Variants in RBL1 observed in about 807,000 individuals in gnomAD.
The protein encoded by RBL1 is RB transcriptional corepressor like 1, also known as retinoblastoma-like protein 1.
RBL1 carries 82 observed loss-of-function variants against 123.0 expected under a neutral mutation model. The observed-to-expected ratio is 0.67, with a 90% CI of 0.56 to 0.80. RBL1 has a LOEUF of 0.80. RBL1 is among the 30% of genes least tolerant of loss of function. The pLI is 0.00. For missense variants in RBL1, 1,171 were observed against 1,299.6 expected (o/e 0.90, Z 1.52); for synonymous variants, 405 against 441.3 (o/e 0.92, Z 1.03).
chr20:37,073,880 G>C (rs934598691), intron 2 of RBL1, among the ~76,000 whole-genome samples: 1 of 151,710 alleles, frequency 6.6e-6, no homozygotes, highest in Admixed American at 6.6e-5. Flanking sequence ...GCCGAAGCGG[G>C]TGGATCACAA....
Position 37,017,576 on chromosome 20 carries a change from G to A in RBL1, c.2722+703C>T, listed in dbSNP as rs148704318. ...AGAGGGTGCAGTCTTGCCTGTGGTAGCAGAATTACCTATAAGTAATACTTA... is the reference window on the plus strand; with the variant it reads ...AGAGGGTGCAGTCTTGCCTGTGGTAACAGAATTACCTATAAGTAATACTTA... On this transcript the variant is annotated intron_variant, in intron 19 of 21. Coordinates refer to ENST00000373664, the MANE Select transcript of RBL1 (RefSeq NM_002895.5). Among the ~76,000 whole-genome samples the A allele has an allele frequency of 4.6e-3, 696 of 151,312 alleles. 12 individuals carry two copies. The highest frequency in any genetic ancestry group is 0.032 in the East Asian group (166 of 5,170).
chr20:37,041,361 G>T (rs1021312065), intron 13 of RBL1, among the ~76,000 whole-genome samples: 1 of 151,790 alleles, frequency 6.6e-6, no homozygotes, highest in Non-Finnish European at 1.5e-5. Flanking sequence ...TCGCTCTGTT[G>T]TCCAGGCTGG....
chr20:37,045,903 G>A (rs2064811285), intron 12 of RBL1, among the ~76,000 whole-genome samples: 1 of 152,124 alleles, frequency 6.6e-6, no homozygotes, highest in African/African-American at 2.4e-5. Context: ...AAAGTACCTA[G>A]ATGACTAAAT....
At chr20:37,039,515 T>A (rs976221789) in intron 14 of RBL1, among the ~76,000 whole-genome samples, 2 of 152,100 alleles carry the variant, frequency 1.3e-5, no homozygotes, top group African/African-American at 4.8e-5. Flanking sequence ...ATCTGATGGT[T>A]TTATCAAGAG....
intron 2 of RBL1, among the ~76,000 whole-genome samples, chr20:37,079,394 T>C (rs535666405): frequency 1.3e-5 from 2 of 151,976 alleles, no homozygotes; most frequent in Non-Finnish European, 2.9e-5. Context: ...CTGATTTATC[T>C]GGGATATAGA....
chr20:37,095,649 C>G, intron 1 of RBL1, 124 bp downstream of exon 1: 1 of 853,374 alleles, frequency 1.2e-6, no homozygotes, highest in South Asian at 3.2e-5. Flanking sequence ...CCCCTCGGCG[C>G]TTGGCTGCGC....
intron 2 of RBL1, among the ~76,000 whole-genome samples, chr20:37,080,208 G>C (rs749927402): frequency 1.3e-5 from 2 of 152,012 alleles, no homozygotes; most frequent in Non-Finnish European, 2.9e-5. Context: ...GCCTAGGCTG[G>C]AGTGCAGTGG....
rs1028855991 is a variant in RBL1, at chr20:37,044,124, G to A, written c.1732C>T (p.Leu578Phe). ...GGAACTTTGTTTGCAGAAACCTGGA[G>A]AGCCTCCCACAGTGCAGAATCGTGA... ...WSHDSALWEA[L>F]QVSANKVPTC... The change falls in exon 13 of 22, where the codon CTC becomes TTC. Residue 578 changes from leucine to phenylalanine, a missense_variant. Physicochemically the swap from Leu to Phe is conservative, Grantham distance 22. Coordinates refer to ENST00000373664, the MANE Select transcript of RBL1 (RefSeq NM_002895.5). 6 of 1,610,728 alleles carry A rather than the reference G, an allele frequency of 3.7e-6. No individual in the cohort carries two copies. Among genetic ancestry groups the A allele is most frequent in the African/African-American group, 2.7e-5 (2 of 74,288 alleles).
At chr20:37,000,737 C>T (rs1156467929) in intron 21 of RBL1, among the ~76,000 whole-genome samples, 5 of 127,360 alleles carry the variant, frequency 3.9e-5, no homozygotes, top group East Asian at 2.5e-4. Context: ...GTCAGCCCCC[C>T]GCCCGGCCAG....
At chr20:37,049,354 A>C in intron 11 of RBL1, 2 of 696,022 alleles carry the variant, frequency 2.9e-6, no homozygotes, top group Middle Eastern at 8.1e-4. Context: ...CAGGATAAGG[A>C]AGGAATTCCT....
chr20:37,027,883 TA>T (rs2064451141), intron 16 of RBL1, among the ~76,000 whole-genome samples: 1 of 152,110 alleles, frequency 6.6e-6, no homozygotes, highest in South Asian at 2.1e-4. Context: ...GCCTCCTGAG[TA>T]GCTGGGACTA....
chr20:37,012,598 G>A (rs549729965), intron 19 of RBL1, among the ~76,000 whole-genome samples: 5 of 142,134 alleles, frequency 3.5e-5, no homozygotes, highest in African/African-American at 5.8e-5. Context: ...CAGCCGCCCC[G>A]TCTGAGAAGT....
At chr20:37,010,128 T>TG (rs1043319733) in intron 19 of RBL1, among the ~76,000 whole-genome samples, 20 of 151,618 alleles carry the variant, frequency 1.3e-4, no homozygotes, top group African/African-American at 4.8e-4. Context: ...GAGGCTGAGG[T>TG]GGGAGGATCA....
chr20:37,040,129 T>C, intron 14 of RBL1, 24 bp downstream of exon 14: 2 of 1,607,550 alleles, frequency 1.2e-6, no homozygotes, highest in Non-Finnish European at 1.7e-6. Context: ...TACTTTTTCA[T>C]TCCTTTACCA....
chr20:37,052,041 T>G (rs2064923563), intron 11 of RBL1, among the ~76,000 whole-genome samples: 1 of 151,620 alleles, frequency 6.6e-6, no homozygotes. Flanking sequence ...TTTTTAAGTT[T>G]TTTTTTTTTT....
intron 15 of RBL1, among the ~76,000 whole-genome samples, chr20:37,034,268 C>T (rs1368648518): frequency 1.3e-5 from 2 of 151,730 alleles, no homozygotes; most frequent in African/African-American, 4.8e-5. Context: ...CAAGAATATT[C>T]GGTTTTGTTT....
chr20:37,093,760 G>C (rs1265860080), intron 1 of RBL1, among the ~76,000 whole-genome samples: 1 of 151,308 alleles, frequency 6.6e-6, no homozygotes, highest in Non-Finnish European at 1.5e-5. Context: ...TCCTGCCTCA[G>C]CCTCCTGAGT....
intron 1 of RBL1, among the ~76,000 whole-genome samples, chr20:37,093,860 T>C: frequency 6.6e-6 from 1 of 152,024 alleles, no homozygotes; most frequent in Non-Finnish European, 1.5e-5. Context: ...AGGCTGGTCT[T>C]GGACCCCTGA....
chr20:37,061,541 A>AGTTGAC (rs2065095641), intron 8 of RBL1, among the ~76,000 whole-genome samples: 1 of 152,226 alleles, frequency 6.6e-6, no homozygotes, highest in Non-Finnish European at 1.5e-5. Context: ...GAGAAATTTA[A>AGTTGAC]AAACTTATTT....
Sources: gnomAD v4.1 joint callset for allele counts (sites outside exome capture counted in the v4.1 genomes callset) on GRCh38, gnomAD v4.1.1 for gene constraint, MANE v1.5 for transcripts, NCBI Gene and HGNC (gene_info 2026-07-23, HGNC 2026-07-21) for gene names.